PLBD2: variants seen among roughly 807,000 people sequenced by gnomAD.
The protein encoded by PLBD2 is phospholipase B domain containing 2, also known as putative aminopeptidase PLBD2.
PLBD2 carries 51 observed loss-of-function variants against 68.3 expected under a neutral mutation model. That is an observed-to-expected ratio of 0.75 (90% CI 0.60 to 0.94). The LOEUF (loss-of-function observed/expected upper bound fraction) is 0.94. PLBD2 is among the 40% of genes least tolerant of loss of function. PLBD2 has a pLI of 0.00. For missense variants in PLBD2, 729 were observed against 792.2 expected (o/e 0.92, Z 0.96); for synonymous variants, 314 against 339.3 (o/e 0.93, Z 0.82).
In PLBD2 at chr12:113,372,780, A is replaced by G. The variant is rs781764535; in HGVS notation, c.516A>G (p.Ser172=). Residue 172 remains serine, a synonymous_variant, in exon 3 of 12, where the codon TCA becomes TCG. Transcript: ENST00000280800. The surrounding 1 kb of genome is among the most constrained non-coding windows in gnomAD (Gnocchi z 4.2). ...NLEWMQEEME[S]NPDSPYWHQV... Reference sequence around the variant, plus strand: ...AGTGGATGCAGGAAGAGATGGAGTCAAACCCAGACTCACCTTACTGGCACC... The same window carrying G: ...AGTGGATGCAGGAAGAGATGGAGTCGAACCCAGACTCACCTTACTGGCACC... 6.2e-7 allele frequency: 1 copy of G among 1,613,804 alleles called. No individual in the cohort carries two copies. The highest frequency in any genetic ancestry group is 2.2e-5 in the East Asian group (1 of 44,880).
chr12:113,378,440 G>A (rs1368282534), intron 5 of PLBD2, among the ~76,000 whole-genome samples: 1 of 152,124 alleles, frequency 6.6e-6, no homozygotes, highest in African/African-American at 2.4e-5. Flanking sequence ...TATACTGTAT[G>A]AATTATTTGC....
intron 1 of PLBD2, among the ~76,000 whole-genome samples, chr12:113,366,619 G>C (rs1957344570): frequency 6.6e-6 from 1 of 151,096 alleles, no homozygotes; most frequent in Non-Finnish European, 1.5e-5. Flanking sequence ...TGGGACTACA[G>C]GCACACCCCA....
chr12:113,379,620 G>C (rs367765601), intron 5 of PLBD2, among the ~76,000 whole-genome samples: 2 of 152,220 alleles, frequency 1.3e-5, no homozygotes, highest in African/African-American at 4.8e-5. Context: ...ACTAGCACTT[G>C]TCAAGGGATG....
chr12:113,380,787 C>A lies in PLBD2; in HGVS notation c.902C>A (p.Ser301Tyr). The A allele has an allele frequency of 6.4e-7, 1 of 1,556,060 alleles. No individual in the cohort carries two copies. Among genetic ancestry groups the A allele is most frequent in the East Asian group, 2.4e-5 (1 of 41,664 alleles). The stretch of plus-strand genomic sequence containing the variant: ...CCCGGCAACAAGCTGGTCTTCTCCT[C>A]CTACCCCGGCACCATCTTCTCCTGC... ...LVPGNKLVFS[S>Y]YPGTIFSCDD... Residue 301 changes from serine to tyrosine, a missense_variant, in exon 6 of 12, where the codon TCC becomes TAC. Transcript: ENST00000280800.
rs145677929 is a variant in PLBD2, at chr12:113,384,912, G to T, written c.1180G>T (p.Gly394Trp). 21 of 1,613,792 alleles carry T rather than the reference G, an allele frequency of 1.3e-5. No homozygotes were observed. Among genetic ancestry groups the T allele is most frequent in the Middle Eastern group, 3.3e-4 (2 of 6,058 alleles). Residue 394 changes from glycine to tryptophan, a missense_variant, in exon 8 of 12, where the codon GGG becomes TGG. Coordinates refer to ENST00000280800, the MANE Select transcript of PLBD2 (RefSeq NM_173542.4). The surrounding 1 kb of genome is among the most constrained non-coding windows in gnomAD (Gnocchi z 4.2). ...KAFIPGGPSP[G>W]SRVLTILEQI... ...GTTCATCCCGGGTGGGCCCAGCCCC[G>T]GGAGCCGGGTGCTTACCATCCTGGA...
chr12:113,385,011 GAGCCGT>G, intron 8 of PLBD2, 65 bp downstream of exon 8: 1 of 1,487,860 alleles, frequency 6.7e-7, no homozygotes, highest in Non-Finnish European at 9.2e-7. Flanking sequence ...TGAAGGCCCA[GAGCCGT>G]GCTGGCGCTG....
rs1565861192 is a variant in PLBD2 at position 113,374,992 on chromosome 12, CG to C, written c.847del (p.Glu283LysfsTer38). 1 of 1,613,972 alleles carries C rather than the reference CG, an allele frequency of 6.2e-7. No homozygotes were observed. Among genetic ancestry groups the C allele is most frequent in the South Asian group, 1.1e-5 (1 of 91,084 alleles). On this transcript the variant is annotated frameshift_variant, in exon 5 of 12. Coordinates refer to ENST00000280800, the MANE Select transcript of PLBD2 (RefSeq NM_173542.4). ...CATCAAGAAGTACTGGCTCCAGTTC[CG>C]GGAAGGCCCCTGGGGTAGGTGGGTG... Reference protein sequence around the residue: ...RVIKKYWLQFREGPWGDYPLV... With the variant: ...RVIKKYWLQFXEGPWGDYPLV...
intron 2 of PLBD2, among the ~76,000 whole-genome samples, chr12:113,371,068 A>G (rs1957385554): frequency 6.6e-6 from 1 of 152,222 alleles, no homozygotes; most frequent in Admixed American, 6.5e-5. Context: ...AAAATGAAAC[A>G]AAACAAAACC....
At chr12:113,380,273 A>C (rs1957474941) in intron 5 of PLBD2, among the ~76,000 whole-genome samples, 2 of 152,086 alleles carry the variant, frequency 1.3e-5, no homozygotes, top group South Asian at 4.1e-4. Flanking sequence ...AGTAGCTGGG[A>C]CTATAGGCGC....
Position 113,390,007 on chromosome 12 carries a change from C to G in PLBD2, c.*1381C>G, listed in dbSNP as rs79723275. On this transcript the variant is annotated 3_prime_UTR_variant, in exon 12 of 12. Transcript: ENST00000280800. ...AGATGTGAGCCCCCGCACCTGGCCT[C>G]ATTTGTCCATTTTCCATCCACTTAC... 0.014 allele frequency: 2,116 copies of G among 152,216 alleles called. 22 individuals are homozygous for G. Among genetic ancestry groups the G allele is most frequent in the Non-Finnish European group, 0.019 (1,302 of 68,048 alleles). The allele number at this position is 152,216 out of a possible 1,614,324, so 9.4% of individuals were successfully genotyped here.
rs567428112 is a variant in PLBD2, at chr12:113,384,676, G to A, written c.1119-175G>A. ...TTCTGGAACAGTCAAGCAGCATGAC[G>A]AGAGAGGGGTTTGTGGATACCTGGT... is the stretch of plus-strand genomic sequence containing the variant. On this transcript the variant is annotated intron_variant, in intron 7 of 11. Transcript: ENST00000280800. The surrounding 1 kb of genome is among the most constrained non-coding windows in gnomAD (Gnocchi z 4.2). 6.6e-6 allele frequency among the ~76,000 whole-genome samples: 1 copy of A among 152,276 alleles called. No homozygotes were observed. Among genetic ancestry groups the A allele is most frequent in the East Asian group, 1.9e-4 (1 of 5,180 alleles).
intron 1 of PLBD2, among the ~76,000 whole-genome samples, chr12:113,360,620 T>G (rs2136896287): frequency 6.6e-6 from 1 of 152,322 alleles, no homozygotes; most frequent in Non-Finnish European, 1.5e-5. Context: ...TCATGGAAAT[T>G]CACTGGGGTC....
intron 1 of PLBD2, among the ~76,000 whole-genome samples, 182 bp from the exon 2 acceptor site, chr12:113,368,934 C>G (rs956555478): frequency 2.0e-5 from 3 of 152,058 alleles, no homozygotes; most frequent in East Asian, 1.9e-4. Flanking sequence ...ATACGTGTAC[C>G]CTTTGAGCCA....
chr12:113,372,554 G>C lies in PLBD2; in HGVS notation c.385-95G>C. 1.5e-6 allele frequency: 2 copies of C among 1,372,134 alleles called. No homozygotes were observed. Among genetic ancestry groups the C allele is most frequent in the South Asian group, 2.6e-5 (2 of 76,800 alleles). 85.0% of individuals were successfully genotyped at this position (1,372,134 alleles called of 1,614,324 possible). On this transcript the variant is annotated intron_variant, in intron 2 of 11. Coordinates refer to ENST00000280800, the MANE Select transcript of PLBD2 (RefSeq NM_173542.4). This position sits in a 1 kb window ranked among gnomAD's most constrained non-coding sequence, Gnocchi z 4.2. ...AGCAAGGACTCAGGTGGCCACACCA[G>C]CAGCCTCCGCTCTGGGGCAGCCTGG...
At chr12:113,376,020 A>G (rs1957435553) in intron 5 of PLBD2, among the ~76,000 whole-genome samples, 1 of 151,138 alleles carries the variant, frequency 6.6e-6, no homozygotes, top group South Asian at 2.1e-4. Context: ...TGCCCAGCTA[A>G]TTTTTGTATT....
chr12:113,369,071 TG>T, intron 1 of PLBD2, 44 bp from the exon 2 acceptor site: 2 of 1,381,554 alleles, frequency 1.4e-6, no homozygotes, highest in South Asian at 1.3e-5. Flanking sequence ...TGTGTCTAGC[TG>T]GGGGCCTCTG....
chr12:113,381,731 G>C (rs980980653), intron 6 of PLBD2, among the ~76,000 whole-genome samples: 1 of 151,628 alleles, frequency 6.6e-6, no homozygotes, highest in African/African-American at 2.4e-5. Flanking sequence ...CTTCCATCAG[G>C]GTCCCTAACT....
intron 5 of PLBD2, 76 bp downstream of exon 5, chr12:113,375,083 G>C: frequency 7.1e-7 from 1 of 1,400,724 alleles, no homozygotes; most frequent in Non-Finnish European, 1.0e-6. Context: ...TAGGAGGTTT[G>C]GGCCTTGGAA....
chr12:113,374,393 C>T, intron 3 of PLBD2, 81 bp from the exon 4 acceptor site: 2 of 989,646 alleles, frequency 2.0e-6, no homozygotes, highest in Non-Finnish European at 3.1e-6. Flanking sequence ...ACCCCCAGGC[C>T]AGAGCCCGTC....
Sources: allele counts gnomAD v4.1 joint callset (sites outside exome capture counted in the v4.1 genomes callset), GRCh38; gene constraint gnomAD v4.1.1; non-coding constraint Gnocchi (gnomAD v3.1); transcripts MANE v1.5; gene names NCBI Gene and HGNC (gene_info 2026-07-23, HGNC 2026-07-21).